KCNIP4: variants seen among roughly 807,000 people sequenced by gnomAD.
KCNIP4 encodes the protein potassium voltage-gated channel interacting protein 4.
In KCNIP4, 12 loss-of-function variants were observed where a neutral mutation model predicts 34.0. That is an observed-to-expected ratio of 0.35 (90% CI 0.23 to 0.57). KCNIP4 has a LOEUF of 0.57. Among genes scored for constraint, KCNIP4 ranks in the 20% least tolerant of loss-of-function variants. KCNIP4 has a pLI of 0.83. For synonymous variants in KCNIP4, 124 were observed against 102.2 expected (o/e 1.21, Z -1.29); for missense variants, 238 against 311.7 (o/e 0.76, Z 1.78).
In KCNIP4 at chr4:20,740,701, C is replaced by T. The variant is rs183239677; in HGVS notation, c.430-5966G>A. Among the ~76,000 whole-genome samples the T allele has an allele frequency of 4.6e-5, 7 of 152,284 alleles. No homozygotes were observed. In the East Asian group the frequency reaches 1.3e-3, roughly 29 times the overall value. Reference sequence around the variant, plus strand: ...AAATAACCAGCTAACATCATAATGACAGGATCAAATTCACACATAACAATA... The same window carrying T: ...AAATAACCAGCTAACATCATAATGATAGGATCAAATTCACACATAACAATA... On this transcript the variant is annotated intron_variant, in intron 5 of 8. Coordinates refer to ENST00000382152, the MANE Select transcript of KCNIP4 (RefSeq NM_025221.6).
chr4:20,975,356 G>T (rs911860587), intron 1 of KCNIP4, among the ~76,000 whole-genome samples: 11 of 152,210 alleles, frequency 7.2e-5, no homozygotes, highest in Admixed American at 7.2e-4. Flanking sequence ...TATGAAATAA[G>T]AGTTTGCAAA....
chr4:21,166,131 TTG>T (rs1215219755), intron 1 of KCNIP4, among the ~76,000 whole-genome samples: 8 of 152,328 alleles, frequency 5.3e-5, no homozygotes, highest in African/African-American at 1.9e-4. Context: ...CTAAGGTTTT[TTG>T]TTATAGCATC....
intron 1 of KCNIP4, among the ~76,000 whole-genome samples, chr4:20,989,299 A>G (rs1477869818): frequency 6.6e-6 from 1 of 152,224 alleles, no homozygotes; most frequent in African/African-American, 2.4e-5. Context: ...ATCTTTTAGG[A>G]ATCATTTAAA....
intron 1 of KCNIP4, among the ~76,000 whole-genome samples, chr4:20,940,436 T>C (rs1358578076): frequency 2.0e-5 from 3 of 152,196 alleles, no homozygotes; most frequent in Non-Finnish European, 4.4e-5. Context: ...AACTCTTAAA[T>C]TGACAACTTA....
At chr4:21,367,276 A>T (rs1365507006) in intron 1 of KCNIP4, among the ~76,000 whole-genome samples, 3 of 152,150 alleles carry the variant, frequency 2.0e-5, no homozygotes, top group Non-Finnish European at 4.4e-5. Context: ...CTTTTGACCA[A>T]ATTAACATGC....
At position 21,792,702 on chromosome 4, in the gene KCNIP4, T is replaced by C. The variant is rs531695615; in HGVS notation, c.61+155869A>G. Reference sequence around the variant, plus strand: ...GACAGAAAAGCCCAGACTTCCCACATTGAGACTGCACAGGGCTGCAGACAT... The same window carrying C: ...GACAGAAAAGCCCAGACTTCCCACACTGAGACTGCACAGGGCTGCAGACAT... On this transcript the variant is annotated intron_variant, in intron 1 of 8. Transcript: ENST00000382152. 3.9e-5 allele frequency among the ~76,000 whole-genome samples: 6 copies of C among 152,314 alleles called. No individual in the cohort carries two copies. The East Asian group carries it at 1.2e-3, about 29-fold the overall frequency.
intron 1 of KCNIP4, among the ~76,000 whole-genome samples, chr4:21,888,638 T>G (rs1386259320): frequency 1.3e-5 from 2 of 152,030 alleles, no homozygotes; most frequent in Non-Finnish European, 2.9e-5. Flanking sequence ...TTCTATACCC[T>G]CCCCTTTGTT....
At chr4:21,763,651 G>A (rs1718207441) in intron 1 of KCNIP4, among the ~76,000 whole-genome samples, 1 of 152,084 alleles carries the variant, frequency 6.6e-6, no homozygotes, top group Non-Finnish European at 1.5e-5. Flanking sequence ...TCTCTTTTCT[G>A]AATCTCAACT....
chr4:21,749,219 G>C (rs1238134848), intron 1 of KCNIP4, among the ~76,000 whole-genome samples: 2 of 152,238 alleles, frequency 1.3e-5, no homozygotes, highest in South Asian at 4.1e-4. Context: ...CTCCCTATTA[G>C]AGCAGAAGGC....
chr4:21,119,473 T>C (rs551408804), intron 1 of KCNIP4, among the ~76,000 whole-genome samples: 8 of 142,564 alleles, frequency 5.6e-5, no homozygotes, highest in Non-Finnish European at 9.1e-5. Context: ...ATCAGTGTAC[T>C]CACAACTTTC....
rs554937536 is a variant in KCNIP4 at position 21,657,642 on chromosome 4, G to A, written c.61+290929C>T. Among the ~76,000 whole-genome samples, 4 of 152,226 alleles carry A rather than the reference G, an allele frequency of 2.6e-5. No individual in the cohort carries two copies. In the South Asian group the frequency reaches 6.2e-4, roughly 24 times the overall value. On this transcript the variant is annotated intron_variant, in intron 1 of 8. Coordinates refer to ENST00000382152, the MANE Select transcript of KCNIP4 (RefSeq NM_025221.6). ...CAAAGTAGAAAAGCACTGATCTGTTGGACTTATCTGTAAAATGAGAATAAC... is the reference window on the plus strand; with the variant it reads ...CAAAGTAGAAAAGCACTGATCTGTTAGACTTATCTGTAAAATGAGAATAAC...
chr4:21,773,925 T>C (rs1304706806), intron 1 of KCNIP4, among the ~76,000 whole-genome samples: 2 of 152,096 alleles, frequency 1.3e-5, no homozygotes, highest in African/African-American at 4.8e-5. Context: ...TTGGGGCATT[T>C]AGCCCATTTA....
chr4:20,812,122 AAGAC>A (rs1480657811), intron 3 of KCNIP4, among the ~76,000 whole-genome samples: 5 of 152,232 alleles, frequency 3.3e-5, no homozygotes, highest in African/African-American at 9.6e-5. Flanking sequence ...TGCGTAAAGA[AAGAC>A]AGAGCTAAAA....
Position 21,373,566 on chromosome 4 carries a change from G to T in KCNIP4, c.62-490857C>A, listed in dbSNP as rs1044410169. Reference sequence around the variant, plus strand: ...TCCATTTCATATTGTCATGTTATTTGATATCAATAAGAAGAGCCAAAAAAT... The same window carrying T: ...TCCATTTCATATTGTCATGTTATTTTATATCAATAAGAAGAGCCAAAAAAT... On this transcript the variant is annotated intron_variant, in intron 1 of 8. Coordinates refer to ENST00000382152, the MANE Select transcript of KCNIP4 (RefSeq NM_025221.6). 1.6e-4 allele frequency among the ~76,000 whole-genome samples: 23 copies of T among 146,960 alleles called. 3 individuals are homozygous for T. Among genetic ancestry groups the T allele is most frequent in the African/African-American group, 6.0e-4 (22 of 36,696 alleles).
intron 1 of KCNIP4, among the ~76,000 whole-genome samples, chr4:21,184,209 A>G (rs1755046550): frequency 6.6e-6 from 1 of 152,138 alleles, no homozygotes. Context: ...TACCTGCCTC[A>G]TAGGATTATT....
At chr4:21,756,164 T>C (rs566895862) in intron 1 of KCNIP4, among the ~76,000 whole-genome samples, 5 of 152,336 alleles carry the variant, frequency 3.3e-5, no homozygotes, top group East Asian at 3.9e-4. Context: ...TGCAGATACA[T>C]TTCTCCTTGT....
At chr4:21,368,292 C>T (rs931998215) in intron 1 of KCNIP4, among the ~76,000 whole-genome samples, 1 of 147,006 alleles carries the variant, frequency 6.8e-6, no homozygotes, top group Non-Finnish European at 1.5e-5. Context: ...ATACTGACTA[C>T]ACTACACATA....
At chr4:21,683,265 C>G (rs1387196079) in intron 1 of KCNIP4, among the ~76,000 whole-genome samples, 1 of 151,874 alleles carries the variant, frequency 6.6e-6, no homozygotes, top group African/African-American at 2.4e-5. Flanking sequence ...AATAAAAACA[C>G]TTGTTACTGA....
At chr4:21,464,116 C>A (rs943286737) in intron 1 of KCNIP4, among the ~76,000 whole-genome samples, 17 of 151,848 alleles carry the variant, frequency 1.1e-4, no homozygotes, top group African/African-American at 4.1e-4. Context: ...CTTCTTCAGT[C>A]TAGCTAAAAT....
Sources: gnomAD v4.1 joint callset for allele counts (sites outside exome capture counted in the v4.1 genomes callset) on GRCh38, gnomAD v4.1.1 for gene constraint, MANE v1.5 for transcripts, NCBI Gene and HGNC (gene_info 2026-07-23, HGNC 2026-07-21) for gene names.